Variants in CSNK1G1 observed in about 807,000 individuals in gnomAD.
The protein encoded by CSNK1G1 is casein kinase 1 gamma 1.
CSNK1G1 carries 22 observed loss-of-function variants against 59.6 expected under a neutral mutation model. The ratio of observed to expected loss-of-function variants is 0.37; its 90% CI spans 0.26 to 0.53. The LOEUF (loss-of-function observed/expected upper bound fraction) is 0.53, where lower values mean the gene tolerates loss of function less well. Ranked by LOEUF, CSNK1G1 falls within the 20% of genes least tolerant of loss-of-function variation. The probability of loss-of-function intolerance (pLI) is 0.89; values close to 1 mark genes in which losing one functional copy is unlikely to be tolerated. For missense variants in CSNK1G1, 384 were observed against 519.5 expected (o/e 0.74, Z 2.54); for synonymous variants, 179 against 177.1 (o/e 1.01, Z -0.08).
intron 2 of CSNK1G1, among the ~76,000 whole-genome samples, chr15:64,262,767 T>C (rs1892761872): frequency 6.6e-6 from 1 of 152,190 alleles, no homozygotes; most frequent in Non-Finnish European, 1.5e-5. Flanking sequence ...ATAGAAATTG[T>C]GCATAGATTT....
chr15:64,184,256 T>A (rs1227310315), intron 10 of CSNK1G1, among the ~76,000 whole-genome samples: 1 of 151,788 alleles, frequency 6.6e-6, no homozygotes, highest in Admixed American at 6.6e-5. Context: ...TGAGCAGAGA[T>A]CATGCCACTG....
At position 64,349,488 on chromosome 15, in the gene CSNK1G1, C is replaced by G. The variant is rs185510410; in HGVS notation, c.-225+6500G>C. On this transcript the variant is annotated intron_variant, in intron 1 of 11. Coordinates refer to ENST00000303052, the MANE Select transcript of CSNK1G1 (RefSeq NM_022048.5). ...TAATTCCCATCCCTAGCACCCCAAC[C>G]CCCACTATAACTACACTGCCCACTT... is the stretch of plus-strand genomic sequence containing the variant. Among the ~76,000 whole-genome samples, 186 of 152,254 alleles carry G rather than the reference C, an allele frequency of 1.2e-3. 1 individual carries two copies. Among genetic ancestry groups the G allele is most frequent in the Admixed American group, 0.011 (164 of 15,284 alleles).
At chr15:64,286,202 T>C (rs1443609379) in intron 2 of CSNK1G1, among the ~76,000 whole-genome samples, 2 of 152,158 alleles carry the variant, frequency 1.3e-5, no homozygotes, top group African/African-American at 2.4e-5. Context: ...GTCTTATTTG[T>C]GCAGGTTTTC....
intron 2 of CSNK1G1, among the ~76,000 whole-genome samples, chr15:64,273,539 G>A (rs1893440788): frequency 6.6e-6 from 1 of 152,066 alleles, no homozygotes; most frequent in Non-Finnish European, 1.5e-5. Context: ...AAGAGGACTA[G>A]AATAGGATCT....
chr15:64,273,365 G>A (rs1893431438), intron 2 of CSNK1G1, among the ~76,000 whole-genome samples: 1 of 152,120 alleles, frequency 6.6e-6, no homozygotes, highest in Admixed American at 6.6e-5. Context: ...TTAGAAAGAA[G>A]ATGAATAAAA....
At chr15:64,237,597 G>A (rs193128419) in intron 4 of CSNK1G1, among the ~76,000 whole-genome samples, 1 of 152,212 alleles carries the variant, frequency 6.6e-6, no homozygotes, top group African/African-American at 2.4e-5. Flanking sequence ...TCAGAAGTTT[G>A]TATTCTTGAA....
At chr15:64,319,619 A>C (rs964451169) in intron 1 of CSNK1G1, among the ~76,000 whole-genome samples, 1 of 152,152 alleles carries the variant, frequency 6.6e-6, no homozygotes, top group African/African-American at 2.4e-5. Flanking sequence ...GATCTCGCTC[A>C]CTGCAACCTC....
At chr15:64,296,915 G>C (rs967648553) in intron 2 of CSNK1G1, among the ~76,000 whole-genome samples, 2 of 136,894 alleles carry the variant, frequency 1.5e-5, no homozygotes, top group African/African-American at 5.4e-5. Flanking sequence ...CATTTGCAGA[G>C]AACCAAAATG....
chr15:64,238,518 A>AAAAAATATAT (rs1555396879), intron 4 of CSNK1G1, among the ~76,000 whole-genome samples: 4 of 49,242 alleles, frequency 8.1e-5, no homozygotes, highest in African/African-American at 2.3e-4. Context: ...AAAAAAAAAA[A>AAAAAATATAT]ATATATATAT....
At position 64,209,530 on chromosome 15, in the gene CSNK1G1, A is replaced by G. The variant is rs141409923; in HGVS notation, c.680-1936T>C. Among the ~76,000 whole-genome samples, 1,152 of 152,316 alleles carry G rather than the reference A, an allele frequency of 7.6e-3. 3 individuals are homozygous for G. The highest frequency in any genetic ancestry group is 0.014 in the Middle Eastern group (4 of 294). On this transcript the variant is annotated intron_variant, in intron 6 of 11. Transcript: ENST00000303052. Reference sequence around the variant, plus strand: ...AGGAGAGGTACCCTGACAGAGATAAATAACATAAAACTGAGTTGGTATACA... The same window carrying G: ...AGGAGAGGTACCCTGACAGAGATAAGTAACATAAAACTGAGTTGGTATACA...
intron 1 of CSNK1G1, among the ~76,000 whole-genome samples, chr15:64,345,591 T>C (rs529395715): frequency 4.7e-4 from 72 of 152,322 alleles, no homozygotes; most frequent in African/African-American, 1.6e-3. Context: ...CTAATACATG[T>C]ATGAAATAAT....
intron 10 of CSNK1G1, among the ~76,000 whole-genome samples, chr15:64,190,419 T>A (rs562584403): frequency 6.6e-6 from 1 of 152,354 alleles, no homozygotes; most frequent in East Asian, 1.9e-4. Context: ...AACTTATTTT[T>A]ATTTTTTTGG....
chr15:64,191,184 C>G (rs888191752), intron 10 of CSNK1G1, among the ~76,000 whole-genome samples: 3 of 152,192 alleles, frequency 2.0e-5, no homozygotes, highest in Admixed American at 1.3e-4. Flanking sequence ...GCCTCAGCCT[C>G]CCGAGTAGCT....
intron 2 of CSNK1G1, 32 bp from the exon 3 acceptor site, chr15:64,259,273 T>G: frequency 6.5e-7 from 1 of 1,537,362 alleles, no homozygotes; most frequent in Non-Finnish European, 8.9e-7. Context: ...TATGTTTTAG[T>G]GACATTTATT....
intron 9 of CSNK1G1, 30 bp from the exon 10 acceptor site, chr15:64,203,219 G>A: frequency 6.9e-7 from 1 of 1,445,024 alleles, no homozygotes; most frequent in East Asian, 2.3e-5. Flanking sequence ...AGTCAAATGG[G>A]GGAAACAGGT....
intron 4 of CSNK1G1, among the ~76,000 whole-genome samples, chr15:64,230,452 C>A (rs934645129): frequency 2.6e-5 from 4 of 151,974 alleles, no homozygotes; most frequent in Admixed American, 6.6e-5. Context: ...ACGTGTGACA[C>A]CACGCCTGGC....
chr15:64,171,749 C>A lies in CSNK1G1; in HGVS notation c.*182G>T. On this transcript the variant is annotated 3_prime_UTR_variant, in exon 12 of 12. Transcript: ENST00000303052. This position sits in a 1 kb window ranked among gnomAD's most constrained non-coding sequence, Gnocchi z 4.8. The stretch of plus-strand genomic sequence containing the variant: ...CAGAGCCTTAGGCAGGCGGAGATGG[C>A]CAATGACCCACTAGGCCCTGGCTGC... 1 of 627,862 alleles carries A rather than the reference C, an allele frequency of 1.6e-6. No individual in the cohort carries two copies. Among genetic ancestry groups the A allele is most frequent in the Non-Finnish European group, 2.8e-6 (1 of 354,390 alleles). The allele number at this position is 627,862 out of a possible 1,614,324, so 38.9% of individuals were successfully genotyped here.
intron 4 of CSNK1G1, among the ~76,000 whole-genome samples, chr15:64,240,544 A>G (rs2082680157): frequency 6.6e-6 from 1 of 152,116 alleles, no homozygotes; most frequent in Non-Finnish European, 1.5e-5. Flanking sequence ...AAACAGCAAG[A>G]AAAAAGAGTC....
At chr15:64,189,591 G>T in intron 10 of CSNK1G1, 1 of 496,608 alleles carries the variant, frequency 2.0e-6, no homozygotes, top group Non-Finnish European at 2.8e-6. Flanking sequence ...TGATATTGCT[G>T]CTCTGCATGA....
Sources: allele counts gnomAD v4.1 joint callset (sites outside exome capture counted in the v4.1 genomes callset), GRCh38; gene constraint gnomAD v4.1.1; non-coding constraint Gnocchi (gnomAD v3.1); transcripts MANE v1.5; gene names NCBI Gene and HGNC (gene_info 2026-07-23, HGNC 2026-07-21).